The following TRIM27 variants were observed in gnomAD, a reference collection of about 807,000 sequenced individuals.
TRIM27 encodes the protein zinc finger protein RFP.
TRIM27 carries 12 observed loss-of-function variants against 57.6 expected under a neutral mutation model. The observed-to-expected ratio is 0.21, with a 90% CI of 0.13 to 0.34. The LOEUF (loss-of-function observed/expected upper bound fraction) is 0.34. Ranked by LOEUF, TRIM27 falls within the 10% of genes least tolerant of loss-of-function variation. The probability of loss-of-function intolerance (pLI) is 1.00; values close to 1 mark genes in which losing one functional copy is unlikely to be tolerated. For missense variants in TRIM27, 403 were observed against 656.8 expected (o/e 0.61, Z 4.22); for synonymous variants, 266 against 259.0 (o/e 1.03, Z -0.26).
chr6:28,919,659 T>G (rs985899412), intron 3 of TRIM27, among the ~76,000 whole-genome samples: 3 of 152,172 alleles, frequency 2.0e-5, no homozygotes, highest in African/African-American at 7.2e-5. Context: ...GGAGAGTCTT[T>G]GAATGACATG....
rs568607677 is a variant in TRIM27, at chr6:28,919,721, G to A, written c.747+291C>T. Among the ~76,000 whole-genome samples, 7 of 152,332 alleles carry A rather than the reference G, an allele frequency of 4.6e-5. 1 individual carries two copies. In the East Asian group the frequency reaches 1.2e-3, roughly 25 times the overall value. Reference sequence around the variant, plus strand: ...AATGAGGTCACTGAGGCCCAAAAAGGTTGAGAGCCTTGCCTGTAATCAGAC... The same window carrying A: ...AATGAGGTCACTGAGGCCCAAAAAGATTGAGAGCCTTGCCTGTAATCAGAC... On this transcript the variant is annotated intron_variant, in intron 3 of 7. Transcript: ENST00000377199.
rs1208645469 is a variant in TRIM27, at chr6:28,903,490, C to T, written c.*580G>A. 1.3e-5 allele frequency: 3 copies of T among 233,738 alleles called. No homozygotes were observed. Among genetic ancestry groups the T allele is most frequent in the African/African-American group, 2.2e-5 (1 of 45,338 alleles). 14.5% of individuals were successfully genotyped at this position (233,738 alleles called of 1,614,324 possible). A position where few individuals can be genotyped will look rare whatever the true frequency, so the allele number is the denominator to read the frequency against. On this transcript the variant is annotated 3_prime_UTR_variant, in exon 8 of 8. Coordinates refer to ENST00000377199, the MANE Select transcript of TRIM27 (RefSeq NM_006510.5). Reference sequence around the variant, plus strand: ...ATAACAGAGGTGGGGCCATTACCCACCATTATTGTAAAATAACTGTAACTA... The same window carrying T: ...ATAACAGAGGTGGGGCCATTACCCATCATTATTGTAAAATAACTGTAACTA...
Position 28,923,432 on chromosome 6 carries a change from G to T in TRIM27, c.201C>A (p.Pro67=), listed in dbSNP as rs1362463429. 6.2e-7 allele frequency: 1 copy of T among 1,612,228 alleles called. No homozygotes were observed. Among genetic ancestry groups the T allele is most frequent in the Admixed American group, 1.7e-5 (1 of 59,972 alleles). Residue 67 remains proline, a synonymous_variant, in exon 1 of 8, where the codon CCC becomes CCA. Coordinates refer to ENST00000377199, the MANE Select transcript of TRIM27 (RefSeq NM_006510.5). ...RETFPQRHMR[P]NRHLANVTQL... ...GGGTCACGTTGGCCAGGTGCCGGTT[G>T]GGCCGCATGTGCCTCTGCGGGAAGG...
intron 1 of TRIM27, among the ~76,000 whole-genome samples, chr6:28,922,884 T>C (rs542867676): frequency 3.0e-4 from 45 of 152,316 alleles, no homozygotes; most frequent in African/African-American, 1.0e-3. Context: ...AGTAAGAGTG[T>C]CTGCAGCTTG....
At position 28,920,034 on chromosome 6, in the gene TRIM27, T is replaced by G. The variant is rs1306039825; in HGVS notation, c.725A>C (p.Gln242Pro). The change falls in exon 3 of 8, where the codon CAG becomes CCG. Residue 242 changes from glutamine to proline, a missense_variant. Coordinates refer to ENST00000377199, the MANE Select transcript of TRIM27 (RefSeq NM_006510.5). ...TACCTGCAGGAGCTCCCTGGTGGGC[T>G]GCTGCTGCTTCTCTTCTAGCTGAGC... is the stretch of plus-strand genomic sequence containing the variant. ...LIAQLEEKQQ[Q>P]PTRELLQDIG... 2 of 1,613,228 alleles carry G rather than the reference T, an allele frequency of 1.2e-6. No homozygotes were observed.
At chr6:28,907,688 T>C (rs1395656163) in intron 6 of TRIM27, 1 of 447,194 alleles carries the variant, frequency 2.2e-6, no homozygotes, top group Non-Finnish European at 4.5e-6. Context: ...AACATGACCA[T>C]TCATTTATAA....
chr6:28,918,121 C>T (rs776025719), intron 3 of TRIM27, among the ~76,000 whole-genome samples: 6 of 152,144 alleles, frequency 3.9e-5, no homozygotes, highest in Non-Finnish European at 8.8e-5. Flanking sequence ...CCACCGTGCC[C>T]GGCCAGTATA....
chr6:28,919,262 G>A (rs576283024), intron 3 of TRIM27, among the ~76,000 whole-genome samples: 3 of 152,110 alleles, frequency 2.0e-5, no homozygotes, highest in East Asian at 1.9e-4. Flanking sequence ...CACCCGCCTC[G>A]GCCCCCCAAA....
Position 28,904,226 on chromosome 6 carries a change from A to C in TRIM27, c.1386T>G (p.Ser462=). 1 of 1,613,108 alleles carries C rather than the reference A, an allele frequency of 6.2e-7. No individual in the cohort carries two copies. The highest frequency in any genetic ancestry group is 8.5e-7 in the Non-Finnish European group (1 of 1,180,038). The change falls in exon 8 of 8, where the codon TCT becomes TCG. Residue 462 remains serine (S), a synonymous_variant. Coordinates refer to ENST00000377199, the MANE Select transcript of TRIM27 (RefSeq NM_006510.5). The surrounding 1 kb of genome is among the most constrained non-coding windows in gnomAD (Gnocchi z 6.1). Reference sequence around the variant, plus strand: ...GGACAGGCCCACAAAAGGTAGCATGAGAGAAAGTGAAGGTGTGACACCTCT... The same window carrying C: ...GGACAGGCCCACAAAAGGTAGCATGCGAGAAAGTGAAGGTGTGACACCTCT... ...VTERCHTFTF[S]HATFCGPVRP...
At position 28,911,715 on chromosome 6, in the gene TRIM27, T is replaced by C; in HGVS notation, c.751A>G (p.Ile251Val). Residue 251 changes from isoleucine to valine, a missense_variant, in exon 4 of 8, where the codon ATT becomes GTT. Ile to Val is a conservative substitution (Grantham distance 29). Transcript: ENST00000377199. ...QQPTRELLQD[I>V]GDTLSRAERI... ...CTATACCTGCTCAATGTGTCCCCAATGTCCTGCAAGAGAAAGGAAAAAAAA... is the reference window on the plus strand; with the variant it reads ...CTATACCTGCTCAATGTGTCCCCAACGTCCTGCAAGAGAAAGGAAAAAAAA... 2 of 1,612,108 alleles carry C rather than the reference T, an allele frequency of 1.2e-6. No individual in the cohort carries two copies. The highest frequency in any genetic ancestry group is 1.7e-6 in the Non-Finnish European group (2 of 1,179,434).
At position 28,903,856 on chromosome 6, in the gene TRIM27, T is replaced by C. The variant is rs938673498; in HGVS notation, c.*214A>G. On this transcript the variant is annotated 3_prime_UTR_variant, in exon 8 of 8. Transcript: ENST00000377199. ...AACACTGGAGGTGGACATCTGGTTT[T>C]TATTTCTAGGATATCTTGATACATC... The C allele has an allele frequency of 1.8e-6, 1 of 568,456 alleles. No homozygotes were observed. Among genetic ancestry groups the C allele is most frequent in the Non-Finnish European group, 3.1e-6 (1 of 319,244 alleles). 35.2% of individuals were successfully genotyped at this position (568,456 alleles called of 1,614,324 possible).
At chr6:28,911,821 G>A (rs915103018) in intron 3 of TRIM27, 103 bp from the exon 4 acceptor site, 2 of 1,082,008 alleles carry the variant, frequency 1.8e-6, no homozygotes, top group African/African-American at 3.2e-5. Context: ...GGCTCTCATG[G>A]GAGAAATTAG....
intron 4 of TRIM27, chr6:28,911,339 G>GAAAA (rs9256951): frequency 2.6e-4 from 50 of 189,312 alleles, no homozygotes; most frequent in East Asian, 4.8e-4. Context: ...CCCCATTACA[G>GAAAA]AAAAAAAAAA....
At chr6:28,916,978 C>T (rs1374221707) in intron 3 of TRIM27, among the ~76,000 whole-genome samples, 6 of 151,466 alleles carry the variant, frequency 4.0e-5, no homozygotes, top group African/African-American at 1.5e-4. Flanking sequence ...TCCATCTCTA[C>T]AAAAATTACA....
intron 7 of TRIM27, chr6:28,905,125 G>A (rs1366552766): frequency 6.4e-6 from 1 of 155,256 alleles, no homozygotes; most frequent in African/African-American, 2.4e-5. Context: ...GCTCAGGATG[G>A]TCTCGAACTC....
chr6:28,914,307 G>A (rs1178552869), intron 3 of TRIM27, among the ~76,000 whole-genome samples: 2 of 151,488 alleles, frequency 1.3e-5, no homozygotes, highest in Non-Finnish European at 2.9e-5. Flanking sequence ...GCTAATTTTT[G>A]TATTTTTAAT....
Position 28,907,242 on chromosome 6 carries a change from A to G in TRIM27, c.940T>C (p.Tyr314His). The G allele has an allele frequency of 6.2e-7, 1 of 1,611,418 alleles. No homozygotes were observed. The highest frequency in any genetic ancestry group is 8.5e-7 in the Non-Finnish European group (1 of 1,179,502). ...TTTGTCTCTCATCACCTACCTGAGT[A>G]TAACTGAGCCTCTCTTAATTCTGAA... ...KIQELREAQL[Y>H]SVDVTLDPDT... Residue 314 changes from tyrosine to histidine, a missense_variant, in exon 7 of 8, where the codon TAC (tyrosine) becomes CAC (histidine). Transcript: ENST00000377199.
At chr6:28,916,484 G>A (rs543849018) in intron 3 of TRIM27, among the ~76,000 whole-genome samples, 5 of 151,978 alleles carry the variant, frequency 3.3e-5, no homozygotes, top group South Asian at 2.1e-4. Flanking sequence ...CCTGGCAGGC[G>A]GAGGTTGCGG....
chr6:28,915,772 T>G (rs1463121917), intron 3 of TRIM27: 2 of 152,170 alleles, frequency 1.3e-5, no homozygotes, highest in Non-Finnish European at 2.9e-5. Context: ...GCAGCACTAT[T>G]GACAATAGCC....
Sources: gnomAD v4.1 joint callset for allele counts (sites outside exome capture counted in the v4.1 genomes callset) on GRCh38, gnomAD v4.1.1 for gene constraint, Gnocchi (gnomAD v3.1) non-coding constraint, MANE v1.5 for transcripts, NCBI Gene and HGNC (gene_info 2026-07-23, HGNC 2026-07-21) for gene names.